Variants in CEP112 observed in about 807,000 individuals in gnomAD.
CEP112 encodes the protein centrosomal protein 112, also known as centrosomal protein of 112 kDa.
A neutral mutation model predicts 153.0 loss-of-function variants in CEP112; 127 were observed. The ratio of observed to expected loss-of-function variants is 0.83; its 90% CI spans 0.72 to 0.96. The LOEUF is 0.96. CEP112 is among the 40% of genes least tolerant of loss of function. The pLI, the probability that CEP112 is intolerant of heterozygous loss-of-function variation, is 0.00. For missense variants in CEP112, 1,089 were observed against 1,101.2 expected, an observed-to-expected ratio of 0.99 and a Z score of 0.16; for synonymous variants, 358 against 374.4, an observed-to-expected ratio of 0.96 and a Z score of 0.51.
intron 1 of CEP112, among the ~76,000 whole-genome samples, chr17:66,185,355 TGGGATTACAGGCACACACCACCATGCCC>T (rs2072884353): frequency 6.6e-6 from 1 of 152,084 alleles, no homozygotes; most frequent in Non-Finnish European, 1.5e-5. Flanking sequence ...CCTGAGTAGC[TGGGATTACAGGCACACACCACCATGCCC>T]GGCTAACTTT....
At chr17:65,985,502 C>T (rs2063375372) in intron 17 of CEP112, among the ~76,000 whole-genome samples, 2 of 152,058 alleles carry the variant, frequency 1.3e-5, no homozygotes, top group South Asian at 2.1e-4. Flanking sequence ...AAAGTGATGG[C>T]TAAGGTTTTA....
In CEP112 at chr17:65,765,379, A is replaced by C. The variant is rs564227323; in HGVS notation, c.2395-14655T>G. On this transcript the variant is annotated intron_variant, in intron 21 of 26. Transcript: ENST00000535342. ...CCTTCCTTTTTTAGGTGCTTGTAAAACAGTTTTTCTTGGTAGGCTCTGTTA... is the reference window on the plus strand; with the variant it reads ...CCTTCCTTTTTTAGGTGCTTGTAAACCAGTTTTTCTTGGTAGGCTCTGTTA... Among the ~76,000 whole-genome samples the C allele has an allele frequency of 3.3e-5, 5 of 150,662 alleles. No individual in the cohort carries two copies. In the East Asian group the frequency reaches 9.8e-4, roughly 29 times the overall value.
intron 20 of CEP112, among the ~76,000 whole-genome samples, chr17:65,868,265 C>T (rs530871641): frequency 3.1e-4 from 47 of 152,044 alleles, no homozygotes; most frequent in Non-Finnish European, 4.6e-4. Flanking sequence ...TCCCAGAGGG[C>T]GAAGAAGACG....
At chr17:65,717,834 C>T (rs59807077) in intron 23 of CEP112, among the ~76,000 whole-genome samples, 9,767 of 152,108 alleles carry the variant, frequency 0.064, 849 homozygotes, top group East Asian at 0.48. Context: ...ACTTCTTGGC[C>T]AGGAAGAAAT....
chr17:65,836,170 A>G (rs192924404), intron 21 of CEP112, among the ~76,000 whole-genome samples: 2,992 of 152,354 alleles, frequency 0.02, 43 homozygotes, highest in Non-Finnish European at 0.031. Context: ...CATAGAATCG[A>G]AACATACTAC....
At chr17:65,713,744 G>A (rs1170739357) in intron 23 of CEP112, among the ~76,000 whole-genome samples, 4 of 152,114 alleles carry the variant, frequency 2.6e-5, no homozygotes, top group South Asian at 2.1e-4. Context: ...CAGCCACCAC[G>A]CCTGGCTAAT....
At chr17:66,017,251 C>T (rs769693468) in intron 16 of CEP112, among the ~76,000 whole-genome samples, 1 of 152,192 alleles carries the variant, frequency 6.6e-6, no homozygotes, top group Non-Finnish European at 1.5e-5. Flanking sequence ...TGAATCTTCA[C>T]CTCTGACAAG....
At chr17:66,153,622 T>C (rs572045555) in intron 4 of CEP112, among the ~76,000 whole-genome samples, 2 of 152,280 alleles carry the variant, frequency 1.3e-5, no homozygotes, top group South Asian at 2.1e-4. Flanking sequence ...ATCACATTTA[T>C]ATGCAAGTAA....
At chr17:65,998,913 A>G (rs2145358389) in intron 17 of CEP112, among the ~76,000 whole-genome samples, 1 of 152,252 alleles carries the variant, frequency 6.6e-6, no homozygotes, top group South Asian at 2.1e-4. Flanking sequence ...CCCACACTAA[A>G]TTCAAACTGT....
chr17:66,100,721 C>T (rs2068535909), intron 6 of CEP112, among the ~76,000 whole-genome samples: 1 of 151,992 alleles, frequency 6.6e-6, no homozygotes, highest in African/African-American at 2.4e-5. Context: ...GACCTAAGAC[C>T]ATCGACTGAA....
intron 24 of CEP112, among the ~76,000 whole-genome samples, chr17:65,668,763 G>T (rs11650252): frequency 0.091 from 13,894 of 152,172 alleles, 715 homozygotes; most frequent in Non-Finnish European, 0.11. Flanking sequence ...TTACTGATTG[G>T]CTGGAAGAGT....
At chr17:66,033,536 C>G (rs1198849222) in intron 12 of CEP112, among the ~76,000 whole-genome samples, 1 of 152,198 alleles carries the variant, frequency 6.6e-6, no homozygotes, top group Non-Finnish European at 1.5e-5. Flanking sequence ...TCAAAGTCAT[C>G]AAGCTAGCCT....
At chr17:66,156,436 A>C (rs1285747883) in intron 4 of CEP112, among the ~76,000 whole-genome samples, 1 of 152,222 alleles carries the variant, frequency 6.6e-6, no homozygotes, top group Admixed American at 6.5e-5. Flanking sequence ...AAACCAGCAC[A>C]AAAAGGCTGA....
At chr17:65,725,255 G>A (rs1409083629) in intron 23 of CEP112, among the ~76,000 whole-genome samples, 1 of 152,102 alleles carries the variant, frequency 6.6e-6, no homozygotes, top group Non-Finnish European at 1.5e-5. Flanking sequence ...GTTTAAAGCT[G>A]CCTTGAAAAC....
rs527560980 is a variant in CEP112, at chr17:65,823,783, T to C, written c.2394+28021A>G. Among the ~76,000 whole-genome samples the C allele has an allele frequency of 5.9e-5, 9 of 152,070 alleles. No individual in the cohort carries two copies. In the South Asian group the frequency reaches 1.5e-3, roughly 25 times the overall value. On this transcript the variant is annotated intron_variant, in intron 21 of 26. Transcript: ENST00000535342. ...CTCTCAAAATTTAATAATTAGAAAA[T>C]AGCAGTAAAAAATCAGAAAAAGATT...
At chr17:66,150,198 C>A (rs942437224) in intron 4 of CEP112, among the ~76,000 whole-genome samples, 4 of 135,808 alleles carry the variant, frequency 2.9e-5, no homozygotes, top group South Asian at 4.5e-4. Flanking sequence ...CCGCGCCCGG[C>A]CTTTTTTTTT....
intron 20 of CEP112, among the ~76,000 whole-genome samples, chr17:65,875,229 A>G (rs562534159): frequency 2.0e-5 from 3 of 152,232 alleles, no homozygotes; most frequent in African/African-American, 7.2e-5. Context: ...TCTTTGGAAC[A>G]TATCAGGAAA....
At chr17:65,870,065 G>GAAAGAAAGAAAAGA (rs1555689540) in intron 20 of CEP112, among the ~76,000 whole-genome samples, 1 of 79,238 alleles carries the variant, frequency 1.3e-5, no homozygotes. Context: ...AAGAAAGAAA[G>GAAAGAAAGAAAAGA]AAAGAAAGAA....
At chr17:65,917,202 A>G (rs1226245210) in intron 19 of CEP112, among the ~76,000 whole-genome samples, 1 of 152,140 alleles carries the variant, frequency 6.6e-6, no homozygotes, top group East Asian at 1.9e-4. Flanking sequence ...TAGATCAAGG[A>G]TTGCATTTGT....
Sources: gnomAD v4.1 joint callset for allele counts (sites outside exome capture counted in the v4.1 genomes callset) on GRCh38, gnomAD v4.1.1 for gene constraint, MANE v1.5 for transcripts, NCBI Gene and HGNC (gene_info 2026-07-23, HGNC 2026-07-21) for gene names.